The following CPA6 variants were observed in gnomAD, a reference collection of about 807,000 sequenced individuals.
CPA6 encodes the protein carboxypeptidase A6, also known as carboxypeptidase B.
A neutral mutation model predicts 63.3 loss-of-function variants in CPA6; 58 were observed. The ratio of observed to expected loss-of-function variants is 0.92; its 90% CI spans 0.74 to 1.14. The LOEUF (loss-of-function observed/expected upper bound fraction) is 1.14, where lower values mean the gene tolerates loss of function less well. Among genes scored for constraint, CPA6 ranks in the 50% most tolerant of loss-of-function variants. The pLI is 0.00. For missense variants in CPA6, 565 were observed against 526.6 expected, an observed-to-expected ratio of 1.07 and a Z score of -0.71; for synonymous variants, 185 against 179.0, an observed-to-expected ratio of 1.03 and a Z score of -0.27.
chr8:67,600,815 C>A (rs187341653), intron 2 of CPA6, among the ~76,000 whole-genome samples: 1 of 152,196 alleles, frequency 6.6e-6, no homozygotes, highest in East Asian at 1.9e-4. Context: ...TCTCAAAGAA[C>A]CTCATTTTGT....
intron 8 of CPA6, among the ~76,000 whole-genome samples, chr8:67,464,427 T>G (rs550540150): frequency 2.0e-5 from 3 of 152,358 alleles, no homozygotes; most frequent in Admixed American, 1.3e-4. Flanking sequence ...TAGACCTTTG[T>G]CAGATACATA....
At chr8:67,689,269 T>G (rs757348672) in intron 1 of CPA6, among the ~76,000 whole-genome samples, 48,165 of 144,872 alleles carry the variant, frequency 0.33, 7,817 homozygotes, top group African/African-American at 0.44. Flanking sequence ...TATAAACTTC[T>G]TCTTCAAAAA....
chr8:67,736,896 A>C (rs528639653), intron 1 of CPA6, among the ~76,000 whole-genome samples: 1 of 152,338 alleles, frequency 6.6e-6, no homozygotes, highest in African/African-American at 2.4e-5. Flanking sequence ...GAAATAGTGG[A>C]AAAATTGTGA....
At chr8:67,431,604 A>T (rs1192949574) in intron 9 of CPA6, among the ~76,000 whole-genome samples, 1 of 151,396 alleles carries the variant, frequency 6.6e-6, no homozygotes, top group Non-Finnish European at 1.5e-5. Context: ...GTGCCCACGT[A>T]AAAAAAAGTC....
intron 2 of CPA6, among the ~76,000 whole-genome samples, chr8:67,546,716 T>G (rs1316185564): frequency 6.6e-6 from 1 of 152,206 alleles, no homozygotes; most frequent in Non-Finnish European, 1.5e-5. Flanking sequence ...GATGGGTGTC[T>G]CTCTGTGTTG....
At chr8:67,492,080 G>C (rs1295864331) in intron 6 of CPA6, among the ~76,000 whole-genome samples, 1 of 152,188 alleles carries the variant, frequency 6.6e-6, no homozygotes, top group Non-Finnish European at 1.5e-5. Flanking sequence ...GCAAAGAAAT[G>C]AAAAGTGCTA....
At chr8:67,628,336 G>A (rs1815240496) in intron 1 of CPA6, among the ~76,000 whole-genome samples, 1 of 152,194 alleles carries the variant, frequency 6.6e-6, no homozygotes, top group African/African-American at 2.4e-5. Flanking sequence ...TAGGCAACCT[G>A]AAAGTCCTGT....
Position 67,746,347 on chromosome 8 carries a change from C to CAAGCAGCAGCAGCAG in CPA6, c.-219_-218insCTGCTGCTGCTGCTT. Reference sequence around the variant, plus strand: ...TTGCTATTACGACTTGGTCTTGGGACAAGCAGCAGCAGCAGCAGCAGCAGC... The same window carrying CAAGCAGCAGCAGCAG: ...TTGCTATTACGACTTGGTCTTGGGACAAGCAGCAGCAGCAGAAGCAGCAGCAGCAGCAGCAGCAGC... On this transcript the variant is annotated 5_prime_UTR_variant, in exon 1 of 11. Transcript: ENST00000297770. 2.4e-6 allele frequency: 1 copy of CAAGCAGCAGCAGCAG among 420,286 alleles called. No homozygotes were observed. 26.0% of individuals were successfully genotyped at this position (420,286 alleles called of 1,614,324 possible).
rs377638824 is a variant in CPA6 at position 67,436,314 on chromosome 8, C to A, written c.839-2074G>T. 9.2e-5 allele frequency among the ~76,000 whole-genome samples: 14 copies of A among 151,712 alleles called. No individual in the cohort carries two copies. In the South Asian group the frequency reaches 2.5e-3, roughly 27 times the overall value. On this transcript the variant is annotated intron_variant, in intron 8 of 10. Coordinates refer to ENST00000297770, the MANE Select transcript of CPA6 (RefSeq NM_020361.5). ...GGTAGGGGTTTCCAGCTTCCCCAGG[C>A]TCCGGCCTTGTCAGTCTCTTTGCAT... is the stretch of plus-strand genomic sequence containing the variant.
At chr8:67,475,890 C>CTCT (rs1563968104) in intron 8 of CPA6, among the ~76,000 whole-genome samples, 20 of 43,596 alleles carry the variant, frequency 4.6e-4, no homozygotes, top group African/African-American at 1.3e-3. Context: ...TCCTTTCTTT[C>CTCT]TTTCTTTCTT....
chr8:67,632,745 G>A (rs573015653), intron 1 of CPA6, among the ~76,000 whole-genome samples: 1 of 152,294 alleles, frequency 6.6e-6, no homozygotes, highest in East Asian at 1.9e-4. Context: ...TGTATTTTGG[G>A]TGGGAAGAAT....
At chr8:67,564,146 G>GC (rs1363858491) in intron 2 of CPA6, among the ~76,000 whole-genome samples, 1 of 152,150 alleles carries the variant, frequency 6.6e-6, no homozygotes, top group Non-Finnish European at 1.5e-5. Flanking sequence ...TGACATCACT[G>GC]CCCCAGAAGA....
intron 1 of CPA6, among the ~76,000 whole-genome samples, chr8:67,704,444 G>A (rs1474362849): frequency 1.3e-5 from 2 of 152,248 alleles, no homozygotes; most frequent in Admixed American, 1.3e-4. Flanking sequence ...TGCTCTGAAT[G>A]AGAGTCACTG....
chr8:67,483,684 C>T (rs1191873881), intron 8 of CPA6, 84 bp downstream of exon 8: 1 of 1,078,300 alleles, frequency 9.3e-7, no homozygotes. Flanking sequence ...ATGAGTCTCC[C>T]ATGAGAGTCC....
chr8:67,596,011 T>C (rs1294313811), intron 2 of CPA6, among the ~76,000 whole-genome samples: 1 of 152,264 alleles, frequency 6.6e-6, no homozygotes, highest in African/African-American at 2.4e-5. Context: ...GAGCTGTTCC[T>C]ATTCGGCCAT....
chr8:67,528,096 G>A (rs541128859), intron 2 of CPA6, among the ~76,000 whole-genome samples: 1 of 152,362 alleles, frequency 6.6e-6, no homozygotes, highest in Non-Finnish European at 1.5e-5. Context: ...ATTGAGCTAA[G>A]TGCTGAGGGT....
At chr8:67,447,975 G>A (rs1192959830) in intron 8 of CPA6, among the ~76,000 whole-genome samples, 3 of 152,112 alleles carry the variant, frequency 2.0e-5, no homozygotes, top group Non-Finnish European at 4.4e-5. Flanking sequence ...AGTAGAGACA[G>A]GGTTTCACCC....
chr8:67,683,663 G>T lies in CPA6; in HGVS notation c.117-59412C>A, dbSNP rs79618053. ...TGCCTTATATTTATTTGGCCCAAGA[G>T]AAACCCTCTTCTTTATGCCTATTCA... On this transcript the variant is annotated intron_variant, in intron 1 of 10. Transcript: ENST00000297770. Among the ~76,000 whole-genome samples, 1,033 of 152,266 alleles carry T rather than the reference G, an allele frequency of 6.8e-3. 7 individuals are homozygous for T. The highest frequency in any genetic ancestry group is 0.023 in the African/African-American group (975 of 41,536).
At chr8:67,484,810 T>A in intron 6 of CPA6, 21 bp from the exon 7 acceptor site, 1 of 1,422,026 alleles carries the variant, frequency 7.0e-7, no homozygotes, top group Non-Finnish European at 9.8e-7. Context: ...AAGGTGAGAT[T>A]TTTCTTTTAA....
Sources: gnomAD v4.1 joint callset for allele counts (sites outside exome capture counted in the v4.1 genomes callset) on GRCh38, gnomAD v4.1.1 for gene constraint, MANE v1.5 for transcripts, NCBI Gene and HGNC (gene_info 2026-07-23, HGNC 2026-07-21) for gene names.